TUB: variants seen among roughly 807,000 people sequenced by gnomAD.
The protein encoded by TUB is tubby protein homolog.
TUB carries 33 observed loss-of-function variants against 59.7 expected under a neutral mutation model. The ratio of observed to expected loss-of-function variants is 0.55; its 90% confidence interval spans 0.42 to 0.74. The LOEUF is 0.74. Among genes scored for constraint, TUB ranks in the 30% least tolerant of loss-of-function variants. The pLI is 0.00. For synonymous variants in TUB, 293 were observed against 256.4 expected, an observed-to-expected ratio of 1.14 and a Z score of -1.36; for missense variants, 659 against 672.0, an observed-to-expected ratio of 0.98 and a Z score of 0.21.
At chr11:8,073,172 A>G (rs566534684) in intron 2 of TUB, among the ~76,000 whole-genome samples, 1 of 152,330 alleles carries the variant, frequency 6.6e-6, no homozygotes, top group East Asian at 1.9e-4. Flanking sequence ...CTCAGCTCAC[A>G]GCTTGACTCC....
At chr11:8,035,446 G>A (rs992859071), upstream of TUB, 1 of 152,212 alleles carries the variant, frequency 6.6e-6, no homozygotes, top group Admixed American at 6.5e-5. Flanking sequence ...CTTCCCGCTG[G>A]GCCCTAACCT....
At chr11:8,026,388 T>G (rs1039550611) in intron 1 of TUB, among the ~76,000 whole-genome samples, 1 of 152,150 alleles carries the variant, frequency 6.6e-6, no homozygotes, top group African/African-American at 2.4e-5. Context: ...ACAAAGGTTT[T>G]TCTAGGAATT....
At position 8,102,501 on chromosome 11, in the gene TUB, G is replaced by T. The variant is rs1020093969; in HGVS notation, c.*882G>T. 6.6e-6 allele frequency: 1 copy of T among 152,262 alleles called. No individual in the cohort carries two copies. Among genetic ancestry groups the T allele is most frequent in the Non-Finnish European group, 1.5e-5 (1 of 68,104 alleles). The allele number at this position is 152,262 out of a possible 1,614,324, so 9.4% of individuals were successfully genotyped here. On this transcript the variant is annotated 3_prime_UTR_variant, in exon 12 of 12. Transcript: ENST00000299506. ...ACAACCCCCAGGAAACACAAATGGG[G>T]TCCAGGTCACCAGCCTGACTGCACA...
intron 1 of TUB, among the ~76,000 whole-genome samples, chr11:8,025,247 A>G (rs1277621637): frequency 6.6e-6 from 1 of 152,194 alleles, no homozygotes; most frequent in Non-Finnish European, 1.5e-5. Context: ...CAGCATGGGC[A>G]TGCTGGGGGT....
chr11:8,093,838 C>T (rs1943863993), intron 3 of TUB, among the ~76,000 whole-genome samples: 2 of 152,130 alleles, frequency 1.3e-5, no homozygotes, highest in Non-Finnish European at 1.5e-5. Context: ...CTGGGGGTGC[C>T]GCCTCCTTCC....
At chr11:8,025,823 C>T (rs1414621231) in intron 1 of TUB, among the ~76,000 whole-genome samples, 2 of 152,150 alleles carry the variant, frequency 1.3e-5, no homozygotes, top group African/African-American at 2.4e-5. Flanking sequence ...TAGGCAAATA[C>T]CTAGCAAAGC....
intron 1 of TUB, among the ~76,000 whole-genome samples, chr11:8,082,939 T>C (rs7943249): frequency 0.022 from 3,371 of 152,204 alleles, 127 homozygotes; most frequent in African/African-American, 0.076. Context: ...ACCCACAGGC[T>C]CTCCTGCAGA....
At chr11:8,081,589 C>G (rs1943565624) in intron 1 of TUB, 41 bp downstream of exon 1, 1 of 1,493,334 alleles carries the variant, frequency 6.7e-7, no homozygotes, top group Non-Finnish European at 8.9e-7. Flanking sequence ...ACTCCCGACT[C>G]GGGACGTGAG....
At chr11:8,019,283 G>A in exon 1 of TUB, 2 of 1,261,936 alleles carry the variant, frequency 1.6e-6, no homozygotes, top group Non-Finnish European at 2.0e-6. Context: ...GCGGAGCCCC[G>A]AGCGGAGCCG....
At chr11:8,099,162 C>G (rs1192430251) in intron 9 of TUB, among the ~76,000 whole-genome samples, 1 of 152,070 alleles carries the variant, frequency 6.6e-6, no homozygotes, top group Non-Finnish European at 1.5e-5. Context: ...GACGGTCGCC[C>G]TGGGTTCTTG....
chr11:8,022,740 A>G (rs571598409), intron 1 of TUB, among the ~76,000 whole-genome samples: 1 of 152,246 alleles, frequency 6.6e-6, no homozygotes, highest in African/African-American at 2.4e-5. Flanking sequence ...AAATACAAAA[A>G]TTAGCCAGGT....
upstream of TUB, among the ~76,000 whole-genome samples, chr11:8,080,548 A>G (rs116536667): frequency 2.3e-3 from 353 of 152,274 alleles, 1 homozygote; most frequent in African/African-American, 7.7e-3. Flanking sequence ...TCCTAGCTTT[A>G]CGGCCTTGGG....
rs767594017 is a variant in TUB at position 8,090,162 on chromosome 11, C to A, written c.184C>A (p.Arg62=). ...TGGGCGGCCCCGGAGCCGGCGGGCCCGGCAGTCAGAGGAACAAGCCCCCCT... is the reference window on the plus strand; with the variant it reads ...TGGGCGGCCCCGGAGCCGGCGGGCCAGGCAGTCAGAGGAACAAGCCCCCCT... ...ADGRPRSRRA[R]QSEEQAPLVE... Residue 62 remains arginine (R), a synonymous_variant, in exon 3 of 12, where the codon CGG becomes AGG. Coordinates refer to ENST00000299506, the MANE Select transcript of TUB (RefSeq NM_177972.3). 2 of 1,613,598 alleles carry A rather than the reference C, an allele frequency of 1.2e-6. No individual in the cohort carries two copies. The highest frequency in any genetic ancestry group is 1.7e-6 in the Non-Finnish European group (2 of 1,179,922).
intron 2 of TUB, among the ~76,000 whole-genome samples, chr11:8,066,793 T>C (rs1943251960): frequency 6.6e-6 from 1 of 151,948 alleles, no homozygotes; most frequent in African/African-American, 2.4e-5. Flanking sequence ...GGTTGAAGAG[T>C]TGTGACGAGA....
chr11:8,090,005 G>C, intron 2 of TUB, 64 bp from the exon 3 acceptor site: 1 of 1,496,904 alleles, frequency 6.7e-7, no homozygotes, highest in Middle Eastern at 1.9e-4. Context: ...TGGACCCCCC[G>C]ATAACTGGGA....
chr11:8,071,135 G>C (rs1462956042), intron 2 of TUB, among the ~76,000 whole-genome samples: 1 of 152,144 alleles, frequency 6.6e-6, no homozygotes, highest in Admixed American at 6.5e-5. Flanking sequence ...CTTTTTCACG[G>C]AGAGGGTGGG....
chr11:8,055,778 G>A (rs1190976469), intron 2 of TUB, among the ~76,000 whole-genome samples: 1 of 152,232 alleles, frequency 6.6e-6, no homozygotes, highest in Admixed American at 6.5e-5. Flanking sequence ...GTCTGGCAAG[G>A]CATAGGAAAG....
At chr11:8,020,308 T>TC (rs1187182081) in intron 1 of TUB, among the ~76,000 whole-genome samples, 5 of 152,190 alleles carry the variant, frequency 3.3e-5, no homozygotes, top group Admixed American at 3.3e-4. Context: ...ACTGGGCTGC[T>TC]CTCATCTCCG....
intron 2 of TUB, among the ~76,000 whole-genome samples, chr11:8,061,148 T>C (rs1943117611): frequency 6.6e-6 from 1 of 152,242 alleles, no homozygotes; most frequent in Non-Finnish European, 1.5e-5. Context: ...CCATTGTCTC[T>C]ACAAATACAA....
Sources: allele counts gnomAD v4.1 joint callset (sites outside exome capture counted in the v4.1 genomes callset), GRCh38; gene constraint gnomAD v4.1.1; transcripts MANE v1.5; gene names NCBI Gene and HGNC (gene_info 2026-07-23, HGNC 2026-07-21).